FOLH1: variants seen among roughly 807,000 people sequenced by gnomAD.
FOLH1 encodes folate hydrolase 1.
In FOLH1, 54 loss-of-function variants were observed where a neutral mutation model predicts 93.9. The ratio of observed to expected loss-of-function variants is 0.57; its 90% CI spans 0.46 to 0.72. FOLH1 has a LOEUF of 0.72. Ranked by LOEUF, FOLH1 falls within the 30% of genes least tolerant of loss-of-function variation. The pLI, the probability that FOLH1 is intolerant of heterozygous loss-of-function variation, is 0.00. For missense variants in FOLH1, 571 were observed against 892.5 expected (o/e 0.64, Z 4.59); for synonymous variants, 249 against 303.6 (o/e 0.82, Z 1.87).
At chr11:49,193,070 A>C (rs1436115508) in intron 3 of FOLH1, among the ~76,000 whole-genome samples, 176 bp from the exon 4 acceptor site, 1 of 152,228 alleles carries the variant, frequency 6.6e-6, no homozygotes, top group African/African-American at 2.4e-5. Context: ...AGAATTCACG[A>C]GATGAATAAA....
At chr11:49,184,290 G>A (rs1431456257) in intron 6 of FOLH1, among the ~76,000 whole-genome samples, 1 of 151,992 alleles carries the variant, frequency 6.6e-6, no homozygotes, top group Non-Finnish European at 1.5e-5. Context: ...TTAGAATTAT[G>A]CCATAATAAA....
At chr11:49,158,256 T>C (rs147569182) in intron 13 of FOLH1, among the ~76,000 whole-genome samples, 5,190 of 152,204 alleles carry the variant, frequency 0.034, 124 homozygotes, top group Non-Finnish European at 0.052. Flanking sequence ...TAAAAATAAA[T>C]GTATGAAGTG....
At chr11:49,194,207 A>G (rs189889475) in intron 3 of FOLH1, among the ~76,000 whole-genome samples, 2 of 151,828 alleles carry the variant, frequency 1.3e-5, no homozygotes, top group East Asian at 3.9e-4. Flanking sequence ...AACTTGCTCC[A>G]TGGAAAGTAA....
At chr11:49,151,444 A>ACT (rs2086416271) in intron 17 of FOLH1, among the ~76,000 whole-genome samples, 2 of 150,710 alleles carry the variant, frequency 1.3e-5, no homozygotes, top group African/African-American at 4.9e-5. Context: ...ACACACACAC[A>ACT]CTTCTCTTTC....
chr11:49,176,710 C>CT (rs1161578786), intron 7 of FOLH1, among the ~76,000 whole-genome samples: 1 of 151,832 alleles, frequency 6.6e-6, no homozygotes, highest in African/African-American at 2.4e-5. Context: ...ACTTAAGAGA[C>CT]TGAGTGTTCA....
intron 1 of FOLH1, chr11:49,207,987 A>T: frequency 7.0e-6 from 4 of 571,330 alleles, no homozygotes; most frequent in Non-Finnish European, 1.3e-5. Flanking sequence ...GCAAAAAAAA[A>T]ACTTCCTCTG....
intron 3 of FOLH1, among the ~76,000 whole-genome samples, chr11:49,194,132 C>CAAAAAAAAAAAAA (rs55656827): frequency 1.4e-5 from 1 of 71,576 alleles, no homozygotes; most frequent in Non-Finnish European, 2.6e-5. Context: ...GCCTGGGTGA[C>CAAAAAAAAAAAAA]AAAAAAAAAA....
intron 4 of FOLH1, among the ~76,000 whole-genome samples, chr11:49,190,299 T>C (rs1861885833): frequency 6.6e-6 from 1 of 152,104 alleles, no homozygotes; most frequent in East Asian, 1.9e-4. Flanking sequence ...ACTTTGAAAA[T>C]GAAAACAAGT....
chr11:49,181,362 G>A (rs1256686973), intron 7 of FOLH1, among the ~76,000 whole-genome samples: 2 of 151,712 alleles, frequency 1.3e-5, no homozygotes, highest in African/African-American at 4.8e-5. Flanking sequence ...TGCTCGCCTC[G>A]GCCTCCCAAA....
intron 13 of FOLH1, among the ~76,000 whole-genome samples, chr11:49,160,472 T>C (rs1391493208): frequency 6.6e-6 from 1 of 152,052 alleles, no homozygotes; most frequent in Non-Finnish European, 1.5e-5. Flanking sequence ...AGACGGAGTC[T>C]CTCTCTGTTG....
In FOLH1 at chr11:49,146,776, T is replaced by C; in HGVS notation, c.2233A>G (p.Thr745Ala). 1 of 1,611,488 alleles carries C rather than the reference T, an allele frequency of 6.2e-7. No homozygotes were observed. The highest frequency in any genetic ancestry group is 8.5e-7 in the Non-Finnish European group (1 of 1,178,754). The change falls in exon 19 of 19, where the codon ACT becomes GCT. Residue 745 changes from threonine (T) to alanine (A), a missense_variant. Physicochemically the swap from Thr to Ala is moderately conservative, Grantham distance 58. Coordinates refer to ENST00000256999, the MANE Select transcript of FOLH1 (RefSeq NM_004476.3). ...AAFTVQAAAE[T>A]LSEVA ...TCCTCTTAGGCTACTTCACTCAAAG[T>C]CTCTGCAGCTGCCTGCACTGTGAAG...
intron 3 of FOLH1, among the ~76,000 whole-genome samples, chr11:49,194,081 G>T (rs202701): frequency 0.18 from 26,424 of 147,064 alleles, 2,756 homozygotes; most frequent in African/African-American, 0.28. Flanking sequence ...GAACCCAGCA[G>T]GCAAGCTTGC....
At chr11:49,178,575 A>G (rs994901251) in intron 7 of FOLH1, among the ~76,000 whole-genome samples, 19 of 152,214 alleles carry the variant, frequency 1.2e-4, no homozygotes, top group African/African-American at 4.3e-4. Context: ...ATGCACATAC[A>G]TGGAGAAGTT....
At chr11:49,155,835 T>TATATATATATATAA (rs1193032047) in intron 15 of FOLH1, among the ~76,000 whole-genome samples, 15 of 121,836 alleles carry the variant, frequency 1.2e-4, no homozygotes, top group African/African-American at 2.0e-4. Flanking sequence ...TATATATATA[T>TATATATATATATAA]AATCAACAAC....
chr11:49,180,608 C>T (rs1430766245), intron 7 of FOLH1, among the ~76,000 whole-genome samples: 1 of 152,110 alleles, frequency 6.6e-6, no homozygotes, highest in Non-Finnish European at 1.5e-5. Context: ...AATTAGTGCA[C>T]AATGCTAAAC....
At chr11:49,163,312 T>C (rs1298996917) in intron 13 of FOLH1, among the ~76,000 whole-genome samples, 3 of 151,920 alleles carry the variant, frequency 2.0e-5, no homozygotes, top group African/African-American at 4.8e-5. Flanking sequence ...GCTCCACCCA[T>C]TGATGAGGAA....
chr11:49,146,769 C>T lies in FOLH1; in HGVS notation c.2240G>A (p.Ser747Asn). Reference sequence around the variant, plus strand: ...TAAAGAATCCTCTTAGGCTACTTCACTCAAAGTCTCTGCAGCTGCCTGCAC... The same window carrying T: ...TAAAGAATCCTCTTAGGCTACTTCATTCAAAGTCTCTGCAGCTGCCTGCAC... ...FTVQAAAETL[S>N]EVA The change falls in exon 19 of 19, where the codon AGT becomes AAT. Residue 747 changes from serine to asparagine, a missense_variant. This residue lies in a region of FOLH1 where 500 missense variants were observed against 822.9 expected (regional missense o/e 0.61). Coordinates refer to ENST00000256999, the MANE Select transcript of FOLH1 (RefSeq NM_004476.3). The T allele has an allele frequency of 1.2e-6, 2 of 1,611,244 alleles. No homozygotes were observed. Among genetic ancestry groups the T allele is most frequent in the Non-Finnish European group, 1.7e-6 (2 of 1,178,608 alleles).
intron 7 of FOLH1, among the ~76,000 whole-genome samples, chr11:49,181,271 C>A (rs566123119): frequency 6.6e-4 from 101 of 152,022 alleles, no homozygotes; most frequent in African/African-American, 2.4e-3. Context: ...GCATGCCCAG[C>A]TAATTTTTGT....
At chr11:49,154,734 A>G (rs1407877596) in intron 15 of FOLH1, among the ~76,000 whole-genome samples, 1 of 151,978 alleles carries the variant, frequency 6.6e-6, no homozygotes, top group African/African-American at 2.4e-5. Flanking sequence ...TTTGAAAGGG[A>G]CCAAACTGGC....
Sources: gnomAD v4.1 joint callset for allele counts (sites outside exome capture counted in the v4.1 genomes callset) on GRCh38, gnomAD v4.1.1 for gene constraint, gnomAD v4.1.1 regional missense constraint, MANE v1.5 for transcripts, NCBI Gene and HGNC (gene_info 2026-07-23, HGNC 2026-07-21) for gene names.